Variants in ANKAR observed in about 807,000 individuals in gnomAD.
ANKAR encodes ankyrin and armadillo repeat-containing protein.
In ANKAR, 136 loss-of-function variants were observed where a neutral mutation model predicts 146.2. The ratio of observed to expected loss-of-function variants is 0.93; its 90% CI spans 0.81 to 1.07. ANKAR has a LOEUF of 1.07. Among genes scored for constraint, ANKAR ranks in the 50% least tolerant of loss-of-function variants. ANKAR has a pLI of 0.00. For missense variants in ANKAR, 1,567 were observed against 1,679.9 expected (o/e 0.93, Z 1.18); for synonymous variants, 500 against 575.8 (o/e 0.87, Z 1.88).
chr2:189,754,956 G>A, intron 18 of ANKAR: 1 of 561,596 alleles, frequency 1.8e-6, no homozygotes, highest in East Asian at 3.3e-5. Context: ...CAGCCTTTAT[G>A]TACAGATATG....
chr2:189,738,510 T>C, intron 18 of ANKAR, 55 bp from the exon 19 acceptor site: 2 of 1,069,530 alleles, frequency 1.9e-6, no homozygotes, highest in Non-Finnish European at 2.8e-6. Flanking sequence ...AACGTGTAAT[T>C]AGAGAAGCTG....
intron 14 of ANKAR, 45 bp from the exon 15 acceptor site, chr2:189,728,615 C>A: frequency 6.3e-7 from 1 of 1,592,332 alleles, no homozygotes. Context: ...TAATGTAGAA[C>A]AGGGCACTGG....
chr2:189,742,967 CA>C lies in ANKAR; in HGVS notation c.3811-307del, dbSNP rs1559147980. 1.1e-3 allele frequency among the ~76,000 whole-genome samples: 144 copies of C among 136,558 alleles called. 4 individuals are homozygous for C. The highest frequency in any genetic ancestry group is 1.8e-3 in the Non-Finnish European group (109 of 61,748). 89.6% of individuals were successfully genotyped at this position (136,558 alleles called of 152,430 possible). On this transcript the variant is annotated intron_variant, in intron 20 of 22. Transcript: ENST00000684021. ...ACACACACACACACACACACACACACACACACACACACACCCCTGAAAGGAT... is the reference window on the plus strand; with the variant it reads ...ACACACACACACACACACACACACACCACACACACACACCCCTGAAAGGAT...
intron 2 of ANKAR, among the ~76,000 whole-genome samples, chr2:189,684,277 G>A (rs202064718): frequency 3.8e-3 from 1 of 262 alleles, no homozygotes; most frequent in South Asian, 0.083. Flanking sequence ...CCACACCACT[G>A]TCCACTTTCT....
chr2:189,711,018 C>CAG (rs1559099362), intron 9 of ANKAR, 31 bp from the exon 10 acceptor site: 2 of 1,571,922 alleles, frequency 1.3e-6, no homozygotes, highest in Middle Eastern at 3.4e-4. Flanking sequence ...GTGCAAATTA[C>CAG]AGCTGTGTTT....
chr2:189,717,328 A>G (rs927061340), intron 10 of ANKAR, among the ~76,000 whole-genome samples: 1 of 152,256 alleles, frequency 6.6e-6, no homozygotes, highest in African/African-American at 2.4e-5. Context: ...CAACAGACAC[A>G]TGAAAAAACG....
chr2:189,695,117 C>G lies in ANKAR; in HGVS notation c.1444C>G (p.Gln482Glu), dbSNP rs1266342669. The G allele has an allele frequency of 1.2e-6, 2 of 1,607,240 alleles. No individual in the cohort carries two copies. The highest frequency in any genetic ancestry group is 3.5e-5 in the Admixed American group (2 of 57,888). ...LPLTDAQLHE[Q>E]FKKKLGFKRA... The stretch of plus-strand genomic sequence containing the variant: ...ACTGACAGATGCTCAATTACATGAA[C>G]AATTTAAGAAAAAGCTTGGTTTCAA... Residue 482 changes from glutamine (Q) to glutamate (E), a missense_variant, in exon 6 of 23, where the codon CAA becomes GAA. Gln to Glu is a conservative substitution (Grantham distance 29). Coordinates refer to ENST00000684021, the MANE Select transcript of ANKAR (RefSeq NM_001378068.1).
At chr2:189,723,821 A>G (rs1012429981) in intron 12 of ANKAR, among the ~76,000 whole-genome samples, 2 of 152,136 alleles carry the variant, frequency 1.3e-5, no homozygotes, top group African/African-American at 2.4e-5. Context: ...TTTACAATCT[A>G]TTCTTCCCAG....
chr2:189,694,958 T>C, intron 5 of ANKAR, 23 bp from the exon 6 acceptor site: 1 of 1,381,196 alleles, frequency 7.2e-7, no homozygotes, highest in Non-Finnish European at 9.5e-7. Flanking sequence ...GAGAAACATC[T>C]TTTTTTTCTT....
chr2:189,742,457 T>C (rs942884079), intron 20 of ANKAR, among the ~76,000 whole-genome samples: 1 of 152,194 alleles, frequency 6.6e-6, no homozygotes, highest in African/African-American at 2.4e-5. Flanking sequence ...CAAAGAACTA[T>C]TTTTTCTAGA....
downstream of ANKAR, chr2:189,761,231 T>C (rs2047021873): frequency 2.1e-6 from 1 of 477,156 alleles, no homozygotes; most frequent in Admixed American, 4.2e-5. Context: ...TTAGTTAAGG[T>C]TGGGACCTTA....
intron 7 of ANKAR, among the ~76,000 whole-genome samples, chr2:189,701,958 G>T (rs759497182): frequency 4.6e-5 from 7 of 152,132 alleles, no homozygotes; most frequent in South Asian, 2.1e-4. Context: ...GGGGGGAGAA[G>T]CATTCTATCA....
At chr2:189,710,069 A>G (rs561437146) in intron 9 of ANKAR, among the ~76,000 whole-genome samples, 1 of 152,350 alleles carries the variant, frequency 6.6e-6, no homozygotes, top group Admixed American at 6.5e-5. Context: ...TACGCATAAA[A>G]GAAAAATCAG....
intron 2 of ANKAR, among the ~76,000 whole-genome samples, chr2:189,683,598 A>G (rs2035081505): frequency 6.6e-6 from 1 of 152,210 alleles, no homozygotes; most frequent in African/African-American, 2.4e-5. Flanking sequence ...GCTTAGTGTT[A>G]GAGATTGAGG....
chr2:189,705,286 GAAGA>G (rs1454417651), intron 8 of ANKAR, 62 bp downstream of exon 8: 3 of 1,398,540 alleles, frequency 2.1e-6, no homozygotes, highest in African/African-American at 3.0e-5. Flanking sequence ...AAAAAAAAAA[GAAGA>G]AAGAAAATTA....
intron 2 of ANKAR, among the ~76,000 whole-genome samples, chr2:189,683,531 A>G (rs376602636): frequency 2.2e-4 from 33 of 152,334 alleles, no homozygotes; most frequent in African/African-American, 7.2e-4. Context: ...TAGGGAACAA[A>G]AGGTGTCTGA....
intron 17 of ANKAR, among the ~76,000 whole-genome samples, chr2:189,736,938 GT>G (rs947715131): frequency 9.0e-4 from 137 of 152,026 alleles, no homozygotes; most frequent in African/African-American, 3.0e-3. Context: ...GCCAGGTGTG[GT>G]GGCACACGCC....
chr2:189,742,006 C>T (rs1474552285), intron 20 of ANKAR, among the ~76,000 whole-genome samples: 1 of 152,052 alleles, frequency 6.6e-6, no homozygotes, highest in Non-Finnish European at 1.5e-5. Flanking sequence ...GATAGCTTTC[C>T]TTATGTGTCA....
chr2:189,735,661 C>T (rs2042776461), intron 17 of ANKAR, among the ~76,000 whole-genome samples: 1 of 152,178 alleles, frequency 6.6e-6, no homozygotes, highest in Admixed American at 6.5e-5. Flanking sequence ...GTTCTTGTAA[C>T]TCCTAGCCAC....
Sources: gnomAD v4.1 joint callset for allele counts (sites outside exome capture counted in the v4.1 genomes callset) on GRCh38, gnomAD v4.1.1 for gene constraint, MANE v1.5 for transcripts, NCBI Gene and HGNC (gene_info 2026-07-23, HGNC 2026-07-21) for gene names.